The following MAPK10 variants were observed in gnomAD, a reference collection of about 807,000 sequenced individuals.
MAPK10 encodes the protein mitogen-activated protein kinase 10, also known as JNK3 alpha protein kinase.
In MAPK10, 25 loss-of-function variants were observed where a neutral mutation model predicts 59.3. The ratio of observed to expected loss-of-function variants is 0.42; its 90% CI spans 0.31 to 0.59. The LOEUF is 0.59. Among genes scored for constraint, MAPK10 ranks in the 20% least tolerant of loss-of-function variants. The pLI is 0.15. For synonymous variants in MAPK10, 190 were observed against 200.5 expected (o/e 0.95, Z 0.44); for missense variants, 351 against 568.9 (o/e 0.62, Z 3.90).
chr4:86,525,347 T>C (rs1757401282), intron 1 of MAPK10, among the ~76,000 whole-genome samples: 1 of 151,710 alleles, frequency 6.6e-6, no homozygotes, highest in Non-Finnish European at 1.5e-5. Flanking sequence ...AAATACAGAG[T>C]GCTAAAATTC....
intron 2 of MAPK10, among the ~76,000 whole-genome samples, chr4:86,303,721 T>A (rs2095510824): frequency 6.6e-6 from 1 of 152,208 alleles, no homozygotes; most frequent in Non-Finnish European, 1.5e-5. Flanking sequence ...GTTGAAAACA[T>A]TGCTCTCATT....
chr4:86,059,721 C>T (rs1417674475), intron 11 of MAPK10, among the ~76,000 whole-genome samples: 2 of 152,112 alleles, frequency 1.3e-5, no homozygotes, highest in Non-Finnish European at 2.9e-5. Flanking sequence ...TTAGTTACAC[C>T]TTTTCTCTTA....
chr4:86,449,553 A>G (rs982145191), intron 1 of MAPK10, among the ~76,000 whole-genome samples: 7 of 152,210 alleles, frequency 4.6e-5, no homozygotes, highest in African/African-American at 1.7e-4. Flanking sequence ...TGAACAGATG[A>G]TATGGTTTTG....
chr4:86,398,015 T>C (rs949732599), intron 1 of MAPK10, among the ~76,000 whole-genome samples: 1 of 151,968 alleles, frequency 6.6e-6, no homozygotes, highest in East Asian at 1.9e-4. Context: ...TTCCACTCTA[T>C]CTGTATCCCA....
At chr4:86,336,389 A>G (rs1474495634) in intron 2 of MAPK10, 1 of 152,222 alleles carries the variant, frequency 6.6e-6, no homozygotes, top group Non-Finnish European at 1.5e-5. Flanking sequence ...TTTTTCTTGT[A>G]AGTGATCCTT....
chr4:86,355,827 C>T (rs1320779731), intron 1 of MAPK10, among the ~76,000 whole-genome samples: 1 of 152,174 alleles, frequency 6.6e-6, no homozygotes, highest in Non-Finnish European at 1.5e-5. Flanking sequence ...CAGACCTAAC[C>T]TAAGAGCTTT....
At chr4:86,153,327 TA>T (rs1167958269) in intron 4 of MAPK10, among the ~76,000 whole-genome samples, 1 of 152,232 alleles carries the variant, frequency 6.6e-6, no homozygotes, top group Non-Finnish European at 1.5e-5. Context: ...TTTAAATGAC[TA>T]TTTTTCAAAT....
chr4:86,590,744 C>T (rs1762982659), intron 1 of MAPK10, among the ~76,000 whole-genome samples: 1 of 151,980 alleles, frequency 6.6e-6, no homozygotes, highest in African/African-American at 2.4e-5. Context: ...TGTGACCACA[C>T]TACTACACTC....
At chr4:86,206,139 C>T (rs538130243) in intron 2 of MAPK10, among the ~76,000 whole-genome samples, 1 of 151,928 alleles carries the variant, frequency 6.6e-6, no homozygotes, top group South Asian at 2.1e-4. Context: ...TGCTGTGCTG[C>T]ACCCATTAAC....
At chr4:86,271,623 T>C (rs1167094318) in intron 2 of MAPK10, among the ~76,000 whole-genome samples, 1 of 151,956 alleles carries the variant, frequency 6.6e-6, no homozygotes, top group East Asian at 1.9e-4. Flanking sequence ...GGGTGATTTA[T>C]TATGTAAGGG....
At chr4:86,469,810 C>T (rs1228633634) in intron 1 of MAPK10, among the ~76,000 whole-genome samples, 2 of 152,126 alleles carry the variant, frequency 1.3e-5, no homozygotes, top group African/African-American at 4.8e-5. Flanking sequence ...TTTGATGGGG[C>T]TGCATCCATT....
intron 1 of MAPK10, among the ~76,000 whole-genome samples, chr4:86,475,246 G>A (rs949674142): frequency 2.6e-5 from 4 of 152,050 alleles, no homozygotes; most frequent in Admixed American, 1.3e-4. Context: ...GCCATGACTC[G>A]GATCAGGGGA....
At chr4:86,067,717 G>T (rs915125003) in intron 10 of MAPK10, 56 bp downstream of exon 10, 7 of 1,435,844 alleles carry the variant, frequency 4.9e-6, no homozygotes, top group Non-Finnish European at 5.7e-6. Flanking sequence ...TATACTGTGT[G>T]CTTGTTTGGC....
chr4:86,521,543 C>T (rs1757111239), intron 1 of MAPK10, among the ~76,000 whole-genome samples: 1 of 152,018 alleles, frequency 6.6e-6, no homozygotes, highest in South Asian at 2.1e-4. Context: ...ATTATGGCTG[C>T]CTCTGCTGCA....
rs1402707593 is a variant in MAPK10 at position 86,101,214 on chromosome 4, A to T, written c.568T>A (p.Leu190Ile). ...LHSAGIIHRD[L>I]KPSNIVVKSD... ...TTGACTACAATGTTACTTGGTTTTAAATCCTAACAGTAAGGATAAGGGAAA... is the reference window on the plus strand; with the variant it reads ...TTGACTACAATGTTACTTGGTTTTATATCCTAACAGTAAGGATAAGGGAAA... Residue 190 changes from leucine to isoleucine, a missense_variant, in exon 8 of 14, where the codon TTA (leucine) becomes ATA (isoleucine). Leu to Ile is a conservative substitution (Grantham distance 5, BLOSUM62 2). This residue lies in a region of MAPK10 where 76 missense variants were observed against 197.9 expected (regional missense o/e 0.38). Coordinates refer to ENST00000641462, the MANE Select transcript of MAPK10 (RefSeq NM_138982.4). 1 of 1,613,162 alleles carries T rather than the reference A, an allele frequency of 6.2e-7. No homozygotes were observed. Among genetic ancestry groups the T allele is most frequent in the African/African-American group, 1.3e-5 (1 of 74,906 alleles).
chr4:86,157,032 A>T (rs1230936578), intron 4 of MAPK10, among the ~76,000 whole-genome samples: 1 of 152,048 alleles, frequency 6.6e-6, no homozygotes, highest in Admixed American at 6.6e-5. Context: ...TTGTTTAATC[A>T]TGCTCAACAT....
At chr4:86,565,144 C>A (rs990555340) in intron 1 of MAPK10, among the ~76,000 whole-genome samples, 1 of 152,182 alleles carries the variant, frequency 6.6e-6, no homozygotes, top group Non-Finnish European at 1.5e-5. Context: ...TCCTACTGTA[C>A]ACTAACAACA....
chr4:86,046,204 A>G (rs945385150), intron 11 of MAPK10, among the ~76,000 whole-genome samples: 1 of 151,560 alleles, frequency 6.6e-6, no homozygotes, highest in Non-Finnish European at 1.5e-5. Flanking sequence ...GAGATTTTGG[A>G]CTGAGATGAT....
At chr4:86,170,875 T>A (rs2149258692) in intron 3 of MAPK10, among the ~76,000 whole-genome samples, 1 of 150,786 alleles carries the variant, frequency 6.6e-6, no homozygotes, top group South Asian at 2.1e-4. Context: ...ACACACTATC[T>A]CTCAGACCAC....
Sources: allele counts gnomAD v4.1 joint callset (sites outside exome capture counted in the v4.1 genomes callset), GRCh38; gene constraint gnomAD v4.1.1; regional missense constraint gnomAD v4.1.1; transcripts MANE v1.5; gene names NCBI Gene and HGNC (gene_info 2026-07-23, HGNC 2026-07-21).